TBC1D9: variants seen among roughly 807,000 people sequenced by gnomAD.
The protein encoded by TBC1D9 is TBC1 domain family member 9.
In TBC1D9, 63 loss-of-function variants were observed where a neutral mutation model predicts 132.0. That is an observed-to-expected ratio of 0.48 (90% CI 0.39 to 0.59). The LOEUF is 0.59. TBC1D9 is among the 20% of genes least tolerant of loss of function. TBC1D9 has a pLI of 0.00. For missense variants in TBC1D9, 1,261 were observed against 1,592.7 expected, an observed-to-expected ratio of 0.79 and a Z score of 3.54; for synonymous variants, 610 against 609.9, an observed-to-expected ratio of 1.00 and a Z score of 0.00.
Position 140,657,199 on chromosome 4 carries a change from G to C in TBC1D9, c.2235C>G (p.Asp745Glu). ...GGTGAGGAATGGGAGGCAGTGTGCT[G>C]TCTTTATTGGTCACACTGTCTAAAT... Reference protein sequence around the residue: ...GRYLDSVTNKDSTLPPIPHLH... With the variant: ...GRYLDSVTNKESTLPPIPHLH... Residue 745 changes from aspartate to glutamate, a missense_variant, in exon 13 of 21, where the codon GAC (aspartate) becomes GAG (glutamate). By Grantham distance (45) the Asp-to-Glu change is conservative. Transcript: ENST00000442267. 1 of 1,613,926 alleles carries C rather than the reference G, an allele frequency of 6.2e-7. No individual in the cohort carries two copies. The highest frequency in any genetic ancestry group is 8.5e-7 in the Non-Finnish European group (1 of 1,179,842).
chr4:140,674,321 G>C (rs918918286), intron 6 of TBC1D9, among the ~76,000 whole-genome samples: 1 of 152,068 alleles, frequency 6.6e-6, no homozygotes, highest in Non-Finnish European at 1.5e-5. Flanking sequence ...TTGACCCTAC[G>C]ACAAGGAGAG....
chr4:140,635,139 T>C (rs1736858060), intron 15 of TBC1D9, among the ~76,000 whole-genome samples: 1 of 152,050 alleles, frequency 6.6e-6, no homozygotes, highest in Admixed American at 6.6e-5. Flanking sequence ...TATTGTATTG[T>C]CTGAATATTT....
chr4:140,675,917 C>T (rs1265453957), intron 6 of TBC1D9, among the ~76,000 whole-genome samples: 1 of 152,164 alleles, frequency 6.6e-6, no homozygotes, highest in Non-Finnish European at 1.5e-5. Flanking sequence ...TCTTGGGGGC[C>T]TTGCTGACCC....
chr4:140,672,721 C>A (rs75881492), intron 6 of TBC1D9, among the ~76,000 whole-genome samples: 1,647 of 152,182 alleles, frequency 0.011, 64 homozygotes, highest in East Asian at 0.092. Context: ...CACATAAGCT[C>A]CCCGCCACCA....
chr4:140,722,023 G>A (rs930438213), intron 1 of TBC1D9, among the ~76,000 whole-genome samples: 3 of 152,216 alleles, frequency 2.0e-5, no homozygotes, highest in Non-Finnish European at 4.4e-5. Flanking sequence ...CCCATCACCA[G>A]GCCAGGATTT....
At chr4:140,661,239 C>T (rs1320409975) in intron 10 of TBC1D9, among the ~76,000 whole-genome samples, 2 of 152,126 alleles carry the variant, frequency 1.3e-5, no homozygotes, top group South Asian at 2.1e-4. Context: ...TCTAAGGTCA[C>T]GTTATTTTGG....
rs561575470 is a variant in TBC1D9, at chr4:140,683,445, G to A, written c.360+2899C>T. 2.6e-5 allele frequency among the ~76,000 whole-genome samples: 4 copies of A among 152,308 alleles called. No homozygotes were observed. In the East Asian group the frequency reaches 7.7e-4, roughly 29 times the overall value. Reference sequence around the variant, plus strand: ...GGTAGACTAGATTATGGAATACAGGGATAGAATAGCTCCTTCCCAGGTTCT... The same window carrying A: ...GGTAGACTAGATTATGGAATACAGGAATAGAATAGCTCCTTCCCAGGTTCT... On this transcript the variant is annotated intron_variant, in intron 3 of 20. Coordinates refer to ENST00000442267, the MANE Select transcript of TBC1D9 (RefSeq NM_015130.3).
At chr4:140,624,675 A>G (rs988595771) in intron 18 of TBC1D9, among the ~76,000 whole-genome samples, 2 of 152,308 alleles carry the variant, frequency 1.3e-5, no homozygotes, top group Admixed American at 1.3e-4. Flanking sequence ...TACATGTCCC[A>G]TAATTTTATC....
intron 1 of TBC1D9, among the ~76,000 whole-genome samples, chr4:140,714,026 T>C (rs1738291186): frequency 1.3e-5 from 2 of 152,198 alleles, no homozygotes; most frequent in Non-Finnish European, 2.9e-5. Flanking sequence ...TCGGTAACCC[T>C]TGGCATAATA....
At chr4:140,642,524 A>G (rs1737020020) in intron 13 of TBC1D9, 1 of 1,166,772 alleles carries the variant, frequency 8.6e-7, no homozygotes, top group East Asian at 2.3e-5. Flanking sequence ...GGTGACTTCA[A>G]CTTGTCCTGC....
intron 6 of TBC1D9, among the ~76,000 whole-genome samples, chr4:140,673,456 C>G (rs1352717276): frequency 6.6e-6 from 1 of 152,156 alleles, no homozygotes; most frequent in Non-Finnish European, 1.5e-5. Context: ...GTACCCAGCT[C>G]ACGTGGAGGG....
chr4:140,659,760 G>A, intron 10 of TBC1D9, 55 bp from the exon 11 acceptor site: 1 of 1,217,600 alleles, frequency 8.2e-7, no homozygotes, highest in East Asian at 2.6e-5. Flanking sequence ...AAGCAATTCT[G>A]TTAGCATATT....
At chr4:140,626,580 G>T (rs1225950673) in intron 18 of TBC1D9, among the ~76,000 whole-genome samples, 1 of 152,176 alleles carries the variant, frequency 6.6e-6, no homozygotes, top group Admixed American at 6.5e-5. Context: ...TAGGTGAGTT[G>T]ATAAAGTTGA....
Position 140,679,166 on chromosome 4 carries a change from A to G in TBC1D9, c.627T>C (p.Leu209=), listed in dbSNP as rs4956329. The stretch of plus-strand genomic sequence containing the variant: ...GCAGAAGCAGGGTGGCATTCTTCTC[A>G]AGCTGAGTGATGTCTACCCACCGGA... ...LVIRWVDITQ[L]EKNATLLLPD... is the part of the protein sequence containing the mutation. The change falls in exon 5 of 21, where the codon CTT becomes CTC. Residue 209 remains leucine (L), a synonymous_variant. Transcript: ENST00000442267. 0.67 allele frequency: 1,078,556 copies of G among 1,613,448 alleles called. 361,443 individuals are homozygous for G. The highest frequency in any genetic ancestry group is 0.69 in the Middle Eastern group (4,197 of 6,054).
At chr4:140,752,620 A>G (rs1427700425) in intron 1 of TBC1D9, among the ~76,000 whole-genome samples, 3 of 152,126 alleles carry the variant, frequency 2.0e-5, no homozygotes, top group African/African-American at 4.8e-5. Context: ...TGCACTTTGC[A>G]TCTGATTTCT....
intron 16 of TBC1D9, among the ~76,000 whole-genome samples, chr4:140,629,808 A>C (rs1224449113): frequency 6.6e-6 from 1 of 152,196 alleles, no homozygotes; most frequent in African/African-American, 2.4e-5. Flanking sequence ...ATGGTTAACT[A>C]AACTCCCGGA....
rs1408033191 is a variant in TBC1D9 at position 140,695,301 on chromosome 4, G to C, written c.241+6203C>G. Among the ~76,000 whole-genome samples, 5 of 152,240 alleles carry C rather than the reference G, an allele frequency of 3.3e-5. No individual in the cohort carries two copies. In the South Asian group the frequency reaches 1.0e-3, roughly 32 times the overall value. ...CTTCTGCATCCTACTACAATAAGAG[G>C]GGCAGGCAAGACGATAGCTGCTCTA... On this transcript the variant is annotated intron_variant, in intron 2 of 20. Transcript: ENST00000442267.
chr4:140,648,787 C>A (rs1421198099), intron 13 of TBC1D9, among the ~76,000 whole-genome samples: 1 of 152,094 alleles, frequency 6.6e-6, no homozygotes, highest in African/African-American at 2.4e-5. Flanking sequence ...TCATTTCATA[C>A]CACCTTCCCC....
At chr4:140,729,583 G>T (rs914317285) in intron 1 of TBC1D9, among the ~76,000 whole-genome samples, 1 of 151,972 alleles carries the variant, frequency 6.6e-6, no homozygotes, top group Admixed American at 6.6e-5. Flanking sequence ...CTTTTGGGAG[G>T]GTAAGGCAGA....
Sources: gnomAD v4.1 joint callset for allele counts (sites outside exome capture counted in the v4.1 genomes callset) on GRCh38, gnomAD v4.1.1 for gene constraint, MANE v1.5 for transcripts, NCBI Gene and HGNC (gene_info 2026-07-23, HGNC 2026-07-21) for gene names.